IGSF21: variants seen among roughly 807,000 people sequenced by gnomAD.
IGSF21 encodes immunoglobulin superfamily member 21.
Under a neutral mutation model 46.8 loss-of-function variants are expected in IGSF21, and 28 were observed. The observed-to-expected ratio is 0.60, with a 90% CI of 0.44 to 0.82. The LOEUF is 0.82. Ranked by LOEUF, IGSF21 falls within the 40% of genes least tolerant of loss-of-function variation. The pLI is 0.00. For synonymous variants in IGSF21, 284 were observed against 273.6 expected (o/e 1.04, Z -0.38); for missense variants, 624 against 665.5 (o/e 0.94, Z 0.69).
intron 3 of IGSF21, among the ~76,000 whole-genome samples, chr1:18,319,419 C>G (rs1201712283): frequency 6.6e-6 from 1 of 152,176 alleles, no homozygotes; most frequent in Admixed American, 6.5e-5. Context: ...TTTTGGGCAA[C>G]CATGTGTCCA....
At chr1:18,250,674 G>A (rs2084832876) in intron 2 of IGSF21, among the ~76,000 whole-genome samples, 1 of 152,052 alleles carries the variant, frequency 6.6e-6, no homozygotes, top group African/African-American at 2.4e-5. Flanking sequence ...AACCTCTCTG[G>A]ACCTCAGTTT....
At chr1:18,304,785 C>A (rs2085395847) in intron 3 of IGSF21, among the ~76,000 whole-genome samples, 1 of 151,920 alleles carries the variant, frequency 6.6e-6, no homozygotes, top group African/African-American at 2.4e-5. Context: ...AATCAGTAAC[C>A]AGGCTGTCAG....
At chr1:18,245,472 T>G (rs573836470) in intron 2 of IGSF21, among the ~76,000 whole-genome samples, 1 of 152,182 alleles carries the variant, frequency 6.6e-6, no homozygotes, top group Non-Finnish European at 1.5e-5. Flanking sequence ...TCTTTTTCAT[T>G]GGATTTTCTG....
chr1:18,180,771 A>G (rs1436344253), intron 1 of IGSF21, among the ~76,000 whole-genome samples: 1 of 152,226 alleles, frequency 6.6e-6, no homozygotes, highest in Admixed American at 6.5e-5. Flanking sequence ...AACTCATTTA[A>G]GGCTTATACA....
Position 18,270,016 on chromosome 1 carries a change from C to T in IGSF21, c.184-21850C>T, listed in dbSNP as rs146919795. The stretch of plus-strand genomic sequence containing the variant: ...CCTTCTAAGGACTCTGCACCAACCA[C>T]CGCCCTTCACCCTCATGCTATCTCC... On this transcript the variant is annotated intron_variant, in intron 2 of 9. Transcript: ENST00000251296. Among the ~76,000 whole-genome samples, 153 of 152,314 alleles carry T rather than the reference C, an allele frequency of 1.0e-3. 1 individual carries two copies. The highest frequency in any genetic ancestry group is 3.6e-3 in the African/African-American group (148 of 41,578).
chr1:18,209,398 C>G (rs1221043663), intron 1 of IGSF21, among the ~76,000 whole-genome samples: 4 of 152,068 alleles, frequency 2.6e-5, no homozygotes, highest in Admixed American at 1.3e-4. Flanking sequence ...GCCAGGTGAC[C>G]TGGGCCCAGG....
At chr1:18,333,882 T>G (rs934975765) in intron 3 of IGSF21, among the ~76,000 whole-genome samples, 3 of 152,156 alleles carry the variant, frequency 2.0e-5, no homozygotes, top group African/African-American at 4.8e-5. Context: ...TTTTATACTT[T>G]GAAATGGTTG....
chr1:18,134,578 G>T (rs908356333), intron 1 of IGSF21, among the ~76,000 whole-genome samples: 1 of 152,182 alleles, frequency 6.6e-6, no homozygotes, highest in African/African-American at 2.4e-5. Context: ...CAGAGCCTTT[G>T]GACAAACATC....
intron 1 of IGSF21, among the ~76,000 whole-genome samples, chr1:18,191,242 GC>G (rs1246026080): frequency 6.6e-6 from 1 of 152,136 alleles, no homozygotes; most frequent in East Asian, 1.9e-4. Context: ...CCCTCTCTGA[GC>G]CTCAAGTGTC....
At chr1:18,323,085 A>G (rs223222) in intron 3 of IGSF21, among the ~76,000 whole-genome samples, 73,424 of 152,036 alleles carry the variant, frequency 0.48, 18,106 homozygotes, top group East Asian at 0.59. Context: ...TGGATGATCT[A>G]GGATCCCAAG....
intron 3 of IGSF21, among the ~76,000 whole-genome samples, chr1:18,293,846 G>T (rs983453957): frequency 1.3e-5 from 2 of 152,118 alleles, no homozygotes; most frequent in African/African-American, 4.8e-5. Flanking sequence ...AGGACTCCTT[G>T]GTTCTGATTT....
At chr1:18,354,456 A>G (rs2085993572) in intron 4 of IGSF21, among the ~76,000 whole-genome samples, 1 of 152,224 alleles carries the variant, frequency 6.6e-6, no homozygotes, top group African/African-American at 2.4e-5. Flanking sequence ...AGGGACATTT[A>G]TATTCATGGA....
chr1:18,304,874 A>G (rs1019945306), intron 3 of IGSF21, among the ~76,000 whole-genome samples: 1 of 152,246 alleles, frequency 6.6e-6, no homozygotes, highest in Non-Finnish European at 1.5e-5. Context: ...GAAAGACCCA[A>G]TTTAGTAAAC....
chr1:18,359,520 A>G (rs968255148), intron 4 of IGSF21, among the ~76,000 whole-genome samples: 6 of 144,044 alleles, frequency 4.2e-5, no homozygotes, highest in Non-Finnish European at 1.5e-5. Flanking sequence ...AGGAAAAGCA[A>G]TCCTCTCCTC....
At chr1:18,255,474 TCTC>T (rs2084883456) in intron 2 of IGSF21, among the ~76,000 whole-genome samples, 1 of 152,056 alleles carries the variant, frequency 6.6e-6, no homozygotes, top group Non-Finnish European at 1.5e-5. Flanking sequence ...TCAAATCCCT[TCTC>T]CTGATTCTGC....
At chr1:18,230,889 C>T (rs1388529474) in intron 2 of IGSF21, among the ~76,000 whole-genome samples, 1 of 151,998 alleles carries the variant, frequency 6.6e-6, no homozygotes, top group Non-Finnish European at 1.5e-5. Flanking sequence ...GACGAACCCC[C>T]CACTGTGGCT....
In IGSF21 at chr1:18,231,722, C is replaced by T. The variant is rs182774158; in HGVS notation, c.183+3712C>T. Among the ~76,000 whole-genome samples the T allele has an allele frequency of 5.9e-4, 90 of 152,266 alleles. 1 individual carries two copies. Among genetic ancestry groups the T allele is most frequent in the African/African-American group, 2.1e-3 (87 of 41,550 alleles). Reference sequence around the variant, plus strand: ...CATATTGGACAGATGAAGTATAGCACGTTCCCATCACTGCAGGAAGTTTCA... The same window carrying T: ...CATATTGGACAGATGAAGTATAGCATGTTCCCATCACTGCAGGAAGTTTCA... On this transcript the variant is annotated intron_variant, in intron 2 of 9. Transcript: ENST00000251296.
At chr1:18,190,432 G>C (rs779395118) in intron 1 of IGSF21, among the ~76,000 whole-genome samples, 20 of 152,204 alleles carry the variant, frequency 1.3e-4, no homozygotes, top group Non-Finnish European at 2.9e-4. Flanking sequence ...GCCAGTGTGC[G>C]TGTGATGTGT....
intron 3 of IGSF21, among the ~76,000 whole-genome samples, chr1:18,333,215 T>A (rs1184539121): frequency 3.3e-5 from 5 of 152,192 alleles, no homozygotes; most frequent in Non-Finnish European, 7.3e-5. Flanking sequence ...TCCCTTCCCA[T>A]AGTTTTCTGC....
Sources: gnomAD v4.1 joint callset for allele counts (sites outside exome capture counted in the v4.1 genomes callset) on GRCh38, gnomAD v4.1.1 for gene constraint, MANE v1.5 for transcripts, NCBI Gene and HGNC (gene_info 2026-07-23, HGNC 2026-07-21) for gene names.